EDIL3: variants seen among roughly 807,000 people sequenced by gnomAD.
EDIL3 encodes EGF like and discoidin domains 3.
Under a neutral mutation model 67.4 loss-of-function variants are expected in EDIL3, and 37 were observed. That is an observed-to-expected ratio of 0.55 (90% confidence interval 0.42 to 0.72). EDIL3 has a LOEUF of 0.72. EDIL3 is among the 30% of genes least tolerant of loss of function. The pLI, the probability that EDIL3 is intolerant of heterozygous loss-of-function variation, is 0.00. For synonymous variants in EDIL3, 195 were observed against 196.3 expected (o/e 0.99, Z 0.05); for missense variants, 527 against 586.3 (o/e 0.90, Z 1.04).
At chr5:83,955,885 T>C (rs569620155) in intron 10 of EDIL3, among the ~76,000 whole-genome samples, 1 of 151,932 alleles carries the variant, frequency 6.6e-6, no homozygotes, top group Non-Finnish European at 1.5e-5. Context: ...ATATTTCACA[T>C]TGACAGTGTT....
intron 3 of EDIL3, among the ~76,000 whole-genome samples, chr5:84,182,470 T>TA (rs201328374): frequency 2.8e-4 from 42 of 147,402 alleles, no homozygotes; most frequent in South Asian, 8.7e-4. Flanking sequence ...AACTAAACTT[T>TA]AAAAAAAACA....
intron 10 of EDIL3, among the ~76,000 whole-genome samples, chr5:83,960,017 A>G (rs1255343670): frequency 6.6e-6 from 1 of 150,946 alleles, no homozygotes; most frequent in Non-Finnish European, 1.5e-5. Flanking sequence ...TTCCCCATAA[A>G]AGATTTCCTT....
At chr5:84,041,821 T>G (rs2112214503) in intron 9 of EDIL3, among the ~76,000 whole-genome samples, 1 of 152,056 alleles carries the variant, frequency 6.6e-6, no homozygotes, top group African/African-American at 2.4e-5. Context: ...AGATGGGTCC[T>G]GTGGTATTTA....
intron 2 of EDIL3, among the ~76,000 whole-genome samples, chr5:84,230,736 TTC>T (rs748744894): frequency 7.5e-6 from 1 of 133,296 alleles, no homozygotes; most frequent in Non-Finnish European, 1.6e-5. Context: ...AAGATTCCAG[TTC>T]TCTCTCTCTC....
intron 6 of EDIL3, among the ~76,000 whole-genome samples, chr5:84,085,335 A>C (rs1747050222): frequency 6.6e-6 from 1 of 152,082 alleles, no homozygotes; most frequent in African/African-American, 2.4e-5. Context: ...TTGATCTTTG[A>C]GGCTGATGAC....
intron 1 of EDIL3, among the ~76,000 whole-genome samples, chr5:84,278,936 C>G (rs769602260): frequency 2.6e-5 from 4 of 152,102 alleles, no homozygotes; most frequent in Admixed American, 6.6e-5. Context: ...GCTTTAGGAG[C>G]CATATCAATA....
intron 10 of EDIL3, among the ~76,000 whole-genome samples, chr5:83,946,002 T>C (rs1744301552): frequency 1.3e-5 from 2 of 152,004 alleles, no homozygotes; most frequent in African/African-American, 4.8e-5. Context: ...TGCTGTTTTC[T>C]TATCTCAAGC....
intron 2 of EDIL3, among the ~76,000 whole-genome samples, chr5:84,244,290 TTTAG>T (rs1417907469): frequency 6.7e-6 from 1 of 150,124 alleles, no homozygotes. Context: ...TATTTACTTA[TTTAG>T]TTAGTTTGAA....
intron 9 of EDIL3, among the ~76,000 whole-genome samples, chr5:83,998,093 C>A (rs1194736058): frequency 1.3e-5 from 2 of 152,156 alleles, no homozygotes; most frequent in Non-Finnish European, 2.9e-5. Flanking sequence ...AGTCTAGATG[C>A]TGTGCTAGGC....
intron 1 of EDIL3, among the ~76,000 whole-genome samples, chr5:84,371,767 G>T (rs1747861462): frequency 6.6e-6 from 1 of 151,894 alleles, no homozygotes; most frequent in African/African-American, 2.4e-5. Flanking sequence ...GGCAAATGCA[G>T]CATAAAATTA....
At chr5:84,382,957 C>G (rs988465483) in intron 1 of EDIL3, among the ~76,000 whole-genome samples, 1 of 152,188 alleles carries the variant, frequency 6.6e-6, no homozygotes, top group African/African-American at 2.4e-5. Flanking sequence ...CCAGCAACAC[C>G]CGGCTTCTTG....
intron 4 of EDIL3, among the ~76,000 whole-genome samples, chr5:84,164,311 T>C (rs1748666393): frequency 6.6e-6 from 1 of 152,174 alleles, no homozygotes; most frequent in Non-Finnish European, 1.5e-5. Flanking sequence ...TAGTTCTCAT[T>C]ACTTGATGAC....
intron 6 of EDIL3, among the ~76,000 whole-genome samples, chr5:84,077,499 G>A (rs974801386): frequency 2.0e-5 from 3 of 152,146 alleles, no homozygotes; most frequent in South Asian, 2.1e-4. Flanking sequence ...GGCAGAAGGC[G>A]AAGGAGGGGC....
intron 8 of EDIL3, among the ~76,000 whole-genome samples, chr5:84,062,970 T>C (rs568271276): frequency 2.3e-4 from 35 of 152,244 alleles, no homozygotes; most frequent in African/African-American, 7.0e-4. Flanking sequence ...TGCTCTAGTT[T>C]TTTAAAGCAT....
chr5:84,045,529 A>T (rs1036299957), intron 9 of EDIL3, among the ~76,000 whole-genome samples: 1 of 152,176 alleles, frequency 6.6e-6, no homozygotes, highest in Non-Finnish European at 1.5e-5. Flanking sequence ...AAAAATGTAC[A>T]TCTATTTTTT....
rs112300288 is a variant in EDIL3, at chr5:84,182,955, G to C, written c.227-2434C>G. 2.2e-3 allele frequency among the ~76,000 whole-genome samples: 336 copies of C among 152,164 alleles called. 3 individuals are homozygous for C. Among genetic ancestry groups the C allele is most frequent in the African/African-American group, 7.8e-3 (322 of 41,526 alleles). The stretch of plus-strand genomic sequence containing the variant: ...TGCCAATATTTGAGACAGGAAAGAA[G>C]GTGAATGACCAATGACTAGTTATAG... On this transcript the variant is annotated intron_variant, in intron 3 of 10. Transcript: ENST00000296591.
intron 2 of EDIL3, among the ~76,000 whole-genome samples, chr5:84,235,438 C>T (rs1561230176): frequency 6.6e-6 from 1 of 152,124 alleles, no homozygotes; most frequent in African/African-American, 2.4e-5. Flanking sequence ...TGGAGAATGG[C>T]ATCCATTGAA....
chr5:84,012,097 T>C (rs1745527751), intron 9 of EDIL3, among the ~76,000 whole-genome samples: 1 of 152,304 alleles, frequency 6.6e-6, no homozygotes, highest in South Asian at 2.1e-4. Context: ...AAACTATTAC[T>C]ATTTACATCC....
intron 1 of EDIL3, among the ~76,000 whole-genome samples, chr5:84,271,436 T>G (rs1305976087): frequency 9.4e-5 from 14 of 148,834 alleles, no homozygotes; most frequent in Admixed American, 9.4e-4. Flanking sequence ...AATAAATAAA[T>G]AAATAAATAA....
Sources: allele counts gnomAD v4.1 joint callset (sites outside exome capture counted in the v4.1 genomes callset), GRCh38; gene constraint gnomAD v4.1.1; transcripts MANE v1.5; gene names NCBI Gene and HGNC (gene_info 2026-07-23, HGNC 2026-07-21).